Variants in REDIC1 observed in about 807,000 individuals in gnomAD.
The protein encoded by REDIC1 is HEI10 Interacting Protein 1.
chr12:39,654,120 G>T, the REDIC1 span, among the ~76,000 whole-genome samples: 1 of 151,524 alleles, frequency 6.6e-6, no homozygotes, highest in African/African-American at 2.4e-5. Flanking sequence ...TCCTTTATCA[G>T]GTTGTGAAAG....
chr12:39,750,335 T>TA, the REDIC1 span, among the ~76,000 whole-genome samples: 1 of 151,954 alleles, frequency 6.6e-6, no homozygotes, highest in Non-Finnish European at 1.5e-5. Flanking sequence ...GAGAATAAAA[T>TA]ACCTAGGAAT....
chr12:39,843,653 T>G, the REDIC1 span, among the ~76,000 whole-genome samples: 1 of 152,066 alleles, frequency 6.6e-6, no homozygotes, highest in Non-Finnish European at 1.5e-5. Flanking sequence ...TTGCTAGTGC[T>G]CAACTCTCCA....
chr12:39,667,634 T>C, the REDIC1 span, among the ~76,000 whole-genome samples: 1 of 152,194 alleles, frequency 6.6e-6, no homozygotes, highest in Admixed American at 6.5e-5. Flanking sequence ...TAACTTTCTG[T>C]CTCATTGATC....
the REDIC1 span, among the ~76,000 whole-genome samples, chr12:39,700,334 G>T: frequency 6.6e-6 from 1 of 152,280 alleles, no homozygotes; most frequent in South Asian, 2.1e-4. Flanking sequence ...GGAAGAAAGG[G>T]TATCAGCGAT....
At chr12:39,662,713 T>C in the REDIC1 span, among the ~76,000 whole-genome samples, 2 of 152,082 alleles carry the variant, frequency 1.3e-5, no homozygotes, top group African/African-American at 4.8e-5. Context: ...TTCTAGTTCT[T>C]AAAAGAAAGG....
At chr12:39,901,579 A>C in the REDIC1 span, among the ~76,000 whole-genome samples, 1 of 125,444 alleles carries the variant, frequency 8.0e-6, no homozygotes, top group Non-Finnish European at 1.7e-5. Flanking sequence ...CAGCCAAAAA[A>C]CACATGAAAA....
At chr12:39,870,449 G>A in the REDIC1 span, among the ~76,000 whole-genome samples, 3 of 152,086 alleles carry the variant, frequency 2.0e-5, no homozygotes, top group African/African-American at 7.2e-5. Context: ...GGATAGCTCT[G>A]ATTATTGGGG....
chr12:39,704,720 G>A, the REDIC1 span, among the ~76,000 whole-genome samples: 2 of 152,140 alleles, frequency 1.3e-5, no homozygotes, highest in East Asian at 1.9e-4. Context: ...GGCACATATA[G>A]AGCATGGAAT....
chr12:39,869,078 A>G, the REDIC1 span, among the ~76,000 whole-genome samples: 3 of 152,222 alleles, frequency 2.0e-5, no homozygotes, highest in Non-Finnish European at 2.9e-5. Flanking sequence ...AAGAAATTTA[A>G]CATAGAACCG....
the REDIC1 span, among the ~76,000 whole-genome samples, chr12:39,811,456 G>C: frequency 1.3e-5 from 2 of 151,920 alleles, no homozygotes; most frequent in East Asian, 3.9e-4. Flanking sequence ...GTATAAGTTT[G>C]CTGTTAAGTA....
At chr12:39,901,070 G>C in the REDIC1 span, among the ~76,000 whole-genome samples, 7,666 of 152,176 alleles carry the variant, frequency 0.05, 333 homozygotes, top group Admixed American at 0.13. Context: ...ACAAACCTGA[G>C]AAAAACAAGC....
the REDIC1 span, among the ~76,000 whole-genome samples, chr12:39,693,811 G>A: frequency 1.3e-5 from 2 of 152,146 alleles, no homozygotes; most frequent in African/African-American, 4.8e-5. Context: ...ATTTCTGGGA[G>A]TGGCATTGTT....
the REDIC1 span, among the ~76,000 whole-genome samples, chr12:39,701,893 A>G: frequency 3.7e-4 from 57 of 152,298 alleles, no homozygotes; most frequent in South Asian, 1.0e-3. Context: ...GAAACCAACG[A>G]GAACAAAGAC....
chr12:39,664,379 T>C, the REDIC1 span, among the ~76,000 whole-genome samples: 1 of 152,158 alleles, frequency 6.6e-6, no homozygotes, highest in African/African-American at 2.4e-5. Flanking sequence ...TCCAGCTTCA[T>C]CCATGTCCCT....
the REDIC1 span, among the ~76,000 whole-genome samples, chr12:39,785,031 G>A: frequency 3.9e-5 from 6 of 152,206 alleles, no homozygotes; most frequent in Non-Finnish European, 8.8e-5. Context: ...GCCTTATGAT[G>A]TAGTAGAATA....
At chr12:39,846,260 A>C in the REDIC1 span, among the ~76,000 whole-genome samples, 1 of 152,146 alleles carries the variant, frequency 6.6e-6, no homozygotes, top group Admixed American at 6.5e-5. Flanking sequence ...ACCTTTGACC[A>C]TAAGGAATTA....
chr12:39,856,945 A>T, the REDIC1 span, among the ~76,000 whole-genome samples: 1 of 152,230 alleles, frequency 6.6e-6, no homozygotes, highest in African/African-American at 2.4e-5. Context: ...AAAATACACC[A>T]GACGCTGATT....
At chr12:39,653,554 CTTCT>C in the REDIC1 span, among the ~76,000 whole-genome samples, 118 of 87,920 alleles carry the variant, frequency 1.3e-3, 7 homozygotes, top group African/African-American at 2.5e-3. Context: ...TCTTCTTCTT[CTTCT>C]TTCTTCTTCT....
At chr12:39,652,666 A>G in the REDIC1 span, among the ~76,000 whole-genome samples, 1 of 152,130 alleles carries the variant, frequency 6.6e-6, no homozygotes. Context: ...GCTTAACCCA[A>G]GGTCATGAAG....
Sources: allele counts gnomAD v4.1 joint callset (sites outside exome capture counted in the v4.1 genomes callset), GRCh38; gene constraint gnomAD v4.1.1; transcripts MANE v1.5; gene names NCBI Gene and HGNC (gene_info 2026-07-23, HGNC 2026-07-21).